The following FHOD1 variants were observed in gnomAD, a reference collection of about 807,000 sequenced individuals.
The protein encoded by FHOD1 is FH1/FH2 domain-containing protein 1.
In FHOD1, 89 loss-of-function variants were observed where a neutral mutation model predicts 111.6. The ratio of observed to expected loss-of-function variants is 0.80; its 90% confidence interval spans 0.67 to 0.95. The LOEUF (loss-of-function observed/expected upper bound fraction) is 0.95. Among genes scored for constraint, FHOD1 ranks in the 40% least tolerant of loss-of-function variants. The probability of loss-of-function intolerance (pLI) is 0.00; values close to 1 mark genes in which losing one functional copy is unlikely to be tolerated. For synonymous variants in FHOD1, 618 were observed against 639.0 expected, an observed-to-expected ratio of 0.97 and a Z score of 0.50; for missense variants, 1,446 against 1,554.2, an observed-to-expected ratio of 0.93 and a Z score of 1.17.
At chr16:67,235,513 G>A (rs1283544491) in intron 11 of FHOD1, among the ~76,000 whole-genome samples, 1 of 146,666 alleles carries the variant, frequency 6.8e-6, no homozygotes, top group Non-Finnish European at 1.5e-5. Context: ...CTTGGAGACC[G>A]AGCAAGACTC....
chr16:67,231,984 C>T lies in FHOD1; in HGVS notation c.2202+55G>A, dbSNP rs573024809. ...CACCAGAGGGACAGGAAATGCCCAC[C>T]TACCAAAGGAGAAGGCCAGACCTCC... On this transcript the variant is annotated intron_variant, in intron 14 of 21. Transcript: ENST00000258201. This position sits in a 1 kb window ranked among gnomAD's most constrained non-coding sequence, Gnocchi z 4.3. The T allele has an allele frequency of 2.7e-5, 43 of 1,600,490 alleles. No individual in the cohort carries two copies. The African/African-American group carries it at 4.5e-4, about 17-fold the overall frequency.
chr16:67,244,841 G>A (rs1044211975), intron 1 of FHOD1, among the ~76,000 whole-genome samples: 6 of 152,162 alleles, frequency 3.9e-5, no homozygotes, highest in Non-Finnish European at 8.8e-5. Context: ...CTTGGGACAG[G>A]GATGCCCTGG....
chr16:67,231,380 G>T lies in FHOD1; in HGVS notation c.2506-31C>A. ...AGGACCCTTTCTGAGCCTGGGCCTG[G>T]TTGGCTCCAGAACCCTGACTCCCCC... On this transcript the variant is annotated intron_variant, in intron 16 of 21. Transcript: ENST00000258201. This position sits in a 1 kb window ranked among gnomAD's most constrained non-coding sequence, Gnocchi z 4.3. The T allele has an allele frequency of 1.2e-6, 2 of 1,614,030 alleles. No homozygotes were observed. Among genetic ancestry groups the T allele is most frequent in the East Asian group, 2.2e-5 (1 of 44,884 alleles).
Position 67,247,233 on chromosome 16 carries a change from G to T in FHOD1, c.178C>A (p.Arg60Ser), listed in dbSNP as rs2034893109. 2.5e-6 allele frequency: 4 copies of T among 1,599,054 alleles called. No individual in the cohort carries two copies. The highest frequency in any genetic ancestry group is 3.4e-6 in the Non-Finnish European group (4 of 1,174,140). The change falls in exon 1 of 22, where the codon CGC becomes AGC. Residue 60 changes from arginine to serine, a missense_variant. This residue lies in a region of FHOD1 where 127 missense variants were observed against 118.0 expected (regional missense o/e 1.08). Coordinates refer to ENST00000258201, the MANE Select transcript of FHOD1 (RefSeq NM_013241.3). Reference protein sequence around the residue: ...PLGAQIPAVHRLLGAPLKLED... With the variant: ...PLGAQIPAVHSLLGAPLKLED... ...ACCTTGAGCGGCGCTCCCAGCAGGC[G>T]GTGCACCGCGGGTATCTGCGCGCCC...
intron 1 of FHOD1, among the ~76,000 whole-genome samples, chr16:67,244,845 G>T (rs2034767031): frequency 6.6e-6 from 1 of 152,156 alleles, no homozygotes; most frequent in African/African-American, 2.4e-5. Flanking sequence ...GGACAGGGAT[G>T]CCCTGGTTTC....
chr16:67,233,772 G>T lies in FHOD1; in HGVS notation c.1931C>A (p.Ala644Glu), dbSNP rs1424477137. The T allele has an allele frequency of 6.2e-7, 1 of 1,613,912 alleles. No homozygotes were observed. The highest frequency in any genetic ancestry group is 1.7e-5 in the Admixed American group (1 of 60,016). ...LKLAGGHGVSASRFGPCATLW... is the reference protein window; with the variant it reads ...LKLAGGHGVSESRFGPCATLW... ...GGTGGCGCAGGGCCCAAAGCGGCTTGCAGAGACTCCATGGCCCCCAGCCAG... is the reference window on the plus strand; with the variant it reads ...GGTGGCGCAGGGCCCAAAGCGGCTTTCAGAGACTCCATGGCCCCCAGCCAG... The change falls in exon 13 of 22, where the codon GCA becomes GAA. Residue 644 changes from alanine to glutamate, a missense_variant. Coordinates refer to ENST00000258201, the MANE Select transcript of FHOD1 (RefSeq NM_013241.3).
Position 67,232,105 on chromosome 16 carries a change from A to C in FHOD1, c.2136T>G (p.Pro712=). 6.2e-7 allele frequency: 1 copy of C among 1,614,220 alleles called. No homozygotes were observed. The highest frequency in any genetic ancestry group is 1.7e-5 in the Admixed American group (1 of 60,024). ...AINIGLTTLP[P]VHVIKAALLN... The stretch of plus-strand genomic sequence containing the variant: ...GCAGAGCAGCCTTAATGACATGCAC[A>C]GGTGGCAGTGTGGTTAGGCCGATGT... Residue 712 remains proline (P), a synonymous_variant, in exon 14 of 22, where the codon CCT becomes CCG. Transcript: ENST00000258201.
At position 67,238,814 on chromosome 16, in the gene FHOD1, T is replaced by G; in HGVS notation, c.373+89A>C. The G allele has an allele frequency of 1.6e-6, 2 of 1,272,442 alleles. No homozygotes were observed. The highest frequency in any genetic ancestry group is 2.4e-5 in the South Asian group (2 of 84,142). The allele number at this position is 1,272,442 out of a possible 1,614,324, so 78.8% of individuals were successfully genotyped here. On this transcript the variant is annotated intron_variant, in intron 3 of 21. Coordinates refer to ENST00000258201, the MANE Select transcript of FHOD1 (RefSeq NM_013241.3). This position sits in a 1 kb window ranked among gnomAD's most constrained non-coding sequence, Gnocchi z 4.2. ...AGGAGCACATACAGCTAAACCTACT[T>G]TGCTCACTGTTCAGCACAGGCCTGA... is the stretch of plus-strand genomic sequence containing the variant.
chr16:67,231,146 T>C lies in FHOD1; in HGVS notation c.2667+42A>G. ...AGCCAGGCCCAGGAAGCAGCGCTCCTCATGCCTTGTCCGGCCTTGGTTGAT... is the reference window on the plus strand; with the variant it reads ...AGCCAGGCCCAGGAAGCAGCGCTCCCCATGCCTTGTCCGGCCTTGGTTGAT... On this transcript the variant is annotated intron_variant, in intron 17 of 21. Transcript: ENST00000258201. The surrounding 1 kb of genome is among the most constrained non-coding windows in gnomAD (Gnocchi z 4.3). The C allele has an allele frequency of 6.2e-7, 1 of 1,609,326 alleles. No individual in the cohort carries two copies. The highest frequency in any genetic ancestry group is 1.1e-5 in the South Asian group (1 of 90,444).
At position 67,230,009 on chromosome 16, in the gene FHOD1, C is replaced by T. The variant is rs1350353163; in HGVS notation, c.3215-19G>A. ...ACCATGCCTGAGGAAGGCCAGATAG[C>T]AAAGTCAGGCCAAGGTGGCACTGGA... On this transcript the variant is annotated intron_variant, in intron 20 of 21. Coordinates refer to ENST00000258201, the MANE Select transcript of FHOD1 (RefSeq NM_013241.3). 23 of 1,613,154 alleles carry T rather than the reference C, an allele frequency of 1.4e-5. No individual in the cohort carries two copies. Among genetic ancestry groups the T allele is most frequent in the Non-Finnish European group, 1.9e-5 (22 of 1,179,286 alleles).
In FHOD1 at chr16:67,237,916, T is replaced by A; in HGVS notation, c.642+118A>T. 9.8e-6 allele frequency: 13 copies of A among 1,330,296 alleles called. No individual in the cohort carries two copies. Among genetic ancestry groups the A allele is most frequent in the Non-Finnish European group, 1.4e-5 (13 of 936,024 alleles). The allele number at this position is 1,330,296 out of a possible 1,614,324, so 82.4% of individuals were successfully genotyped here. ...CCCAGGCCCAGGCACTGAAGTGCCT[T>A]ATAGGCTTACAGAGGCCTCAGACTC... On this transcript the variant is annotated intron_variant, in intron 6 of 21. Coordinates refer to ENST00000258201, the MANE Select transcript of FHOD1 (RefSeq NM_013241.3). This position sits in a 1 kb window ranked among gnomAD's most constrained non-coding sequence, Gnocchi z 5.6.
In FHOD1 at chr16:67,229,837, A is replaced by G. The variant is rs1465882587; in HGVS notation, c.3368T>C (p.Leu1123Ser). 4 of 1,614,222 alleles carry G rather than the reference A, an allele frequency of 2.5e-6. No homozygotes were observed. The South Asian group carries it at 3.3e-5, about 13-fold the overall frequency. ...QSVTKSSPRA[L>S]AARERKRSRG... ...GGAACGCTTGCGTTCCCTAGCAGCTAAGGCACGAGGACTGCTCTTGGTCAC... is the reference window on the plus strand; with the variant it reads ...GGAACGCTTGCGTTCCCTAGCAGCTGAGGCACGAGGACTGCTCTTGGTCAC... Residue 1123 changes from leucine to serine, a missense_variant, in exon 21 of 22, where the codon TTA becomes TCA. Transcript: ENST00000258201.
chr16:67,234,533 T>C, intron 11 of FHOD1, 61 bp from the exon 12 acceptor site: 1 of 1,432,742 alleles, frequency 7.0e-7, no homozygotes, highest in East Asian at 2.5e-5. Flanking sequence ...TGTACATGCC[T>C]TGCTGAGCCC....
intron 1 of FHOD1, among the ~76,000 whole-genome samples, chr16:67,241,310 G>A (rs2034661588): frequency 6.6e-6 from 1 of 152,126 alleles, no homozygotes. Context: ...GGGCAGCAAG[G>A]CCTGAGGGCT....
chr16:67,236,974 C>T lies in FHOD1; in HGVS notation c.1134G>A (p.Pro378=), dbSNP rs750866903. Residue 378 remains proline (P), a synonymous_variant, in exon 10 of 22, where the codon CCG becomes CCA. Transcript: ENST00000258201. The stretch of plus-strand genomic sequence containing the variant: ...CAGATGCTCGTACTTACCCAGGTTC[C>T]GGGGCACGCGCGGGGCAGCCCCCGC... The part of the protein sequence containing the change: ...LEGGGCPARA[P]EPGPTGPASP... The T allele has an allele frequency of 1.9e-6, 3 of 1,588,494 alleles. No individual in the cohort carries two copies. The highest frequency in any genetic ancestry group is 8.6e-7 in the Non-Finnish European group (1 of 1,168,790).
chr16:67,241,583 AC>A (rs1446390735), intron 1 of FHOD1, among the ~76,000 whole-genome samples: 3 of 152,236 alleles, frequency 2.0e-5, no homozygotes, highest in Non-Finnish European at 4.4e-5. Context: ...GATGCAGAGG[AC>A]CTAGGAGGAA....
intron 14 of FHOD1, 38 bp downstream of exon 14, chr16:67,232,001 C>T (rs1216198394): frequency 1.2e-6 from 2 of 1,610,358 alleles, no homozygotes; most frequent in Non-Finnish European, 1.7e-6. Context: ...AGGAGAAGGC[C>T]AGACCTCCCC....
rs2034379874 is a variant in FHOD1, at chr16:67,233,978, T to TG, written c.1724dup (p.Leu576ThrfsTer41). 1 of 1,594,546 alleles carries TG rather than the reference T, an allele frequency of 6.3e-7. No homozygotes were observed. Among genetic ancestry groups the TG allele is most frequent in the Admixed American group, 1.7e-5 (1 of 58,894 alleles). ...GGGGTACTCCCGAGAGCAGGGGCAG[T>TG]GGGGGTGAGGGAGCTGGGATGTCTT... On this transcript the variant is annotated frameshift_variant, in exon 13 of 22. Transcript: ENST00000258201. LOFTEE classifies it high-confidence loss of function.
Position 67,230,392 on chromosome 16 carries a change from C to G in FHOD1, c.2973G>C (p.Arg991=). 6.2e-7 allele frequency: 1 copy of G among 1,614,244 alleles called. No individual in the cohort carries two copies. The highest frequency in any genetic ancestry group is 2.2e-5 in the East Asian group (1 of 44,888). The change falls in exon 19 of 22, where the codon CGG becomes CGC. Residue 991 remains arginine, a synonymous_variant. Coordinates refer to ENST00000258201, the MANE Select transcript of FHOD1 (RefSeq NM_013241.3). The part of the protein sequence containing the change: ...REFALEYRTC[R]ERVLQQQQKQ... ...TCTGCTGCTGCTGTAGCACTCGTTCCCGGCAAGTCCGATACTCAAGCGCAA... is the reference window on the plus strand; with the variant it reads ...TCTGCTGCTGCTGTAGCACTCGTTCGCGGCAAGTCCGATACTCAAGCGCAA...
Sources: gnomAD v4.1 joint callset for allele counts (sites outside exome capture counted in the v4.1 genomes callset) on GRCh38, gnomAD v4.1.1 for gene constraint, gnomAD v4.1.1 regional missense constraint, Gnocchi (gnomAD v3.1) non-coding constraint, MANE v1.5 for transcripts, NCBI Gene and HGNC (gene_info 2026-07-23, HGNC 2026-07-21) for gene names.